NOX4: variants seen among roughly 807,000 people sequenced by gnomAD.
NOX4 encodes the protein NADPH oxidase 4.
NOX4 carries 69 observed loss-of-function variants against 87.6 expected under a neutral mutation model. That is an observed-to-expected ratio of 0.79 (90% CI 0.65 to 0.96). NOX4 has a LOEUF of 0.96. Ranked by LOEUF, NOX4 falls within the 40% of genes least tolerant of loss-of-function variation. NOX4 has a pLI of 0.00. For synonymous variants in NOX4, 275 were observed against 238.2 expected, an observed-to-expected ratio of 1.15 and a Z score of -1.42; for missense variants, 680 against 681.5, an observed-to-expected ratio of 1.00 and a Z score of 0.02.
At chr11:89,385,950 T>G (rs1940671301) in intron 11 of NOX4, among the ~76,000 whole-genome samples, 2 of 152,110 alleles carry the variant, frequency 1.3e-5, no homozygotes, top group Non-Finnish European at 2.9e-5. Flanking sequence ...CCTTTATTAG[T>G]CAAATCACCC....
chr11:89,417,479 T>G (rs1323414689), intron 8 of NOX4, among the ~76,000 whole-genome samples: 1 of 152,090 alleles, frequency 6.6e-6, no homozygotes, highest in Non-Finnish European at 1.5e-5. Flanking sequence ...AAAAAATTCC[T>G]CAGGAGGAAG....
chr11:89,438,424 A>G (rs1346208456), intron 6 of NOX4, among the ~76,000 whole-genome samples: 2 of 110,406 alleles, frequency 1.8e-5, no homozygotes, highest in Non-Finnish European at 3.3e-5. Flanking sequence ...ATATAATTAT[A>G]ATATAATATA....
At chr11:89,579,606 C>T in the NOX4 span, among the ~76,000 whole-genome samples, 1 of 150,526 alleles carries the variant, frequency 6.6e-6, no homozygotes, top group Non-Finnish European at 1.5e-5. Context: ...GAATATACAA[C>T]ATATAGAGTG....
the NOX4 span, among the ~76,000 whole-genome samples, chr11:89,544,840 A>G: frequency 7.2e-5 from 11 of 151,950 alleles, no homozygotes; most frequent in African/African-American, 2.7e-4. Flanking sequence ...AACTTTTAAA[A>G]CTCATATTAT....
chr11:89,428,894 C>T (rs1026996651), intron 7 of NOX4, among the ~76,000 whole-genome samples: 1 of 152,270 alleles, frequency 6.6e-6, no homozygotes, highest in Middle Eastern at 3.4e-3. Context: ...CTCTCCACTC[C>T]AATCAGCAGA....
intron 11 of NOX4, among the ~76,000 whole-genome samples, chr11:89,383,370 AG>A (rs1940441294): frequency 6.6e-6 from 1 of 152,124 alleles, no homozygotes; most frequent in Non-Finnish European, 1.5e-5. Context: ...CAACTTGCCC[AG>A]CAGCTACTCC....
chr11:89,396,251 A>G (rs1447721076), intron 11 of NOX4, among the ~76,000 whole-genome samples: 2 of 151,978 alleles, frequency 1.3e-5, no homozygotes, highest in East Asian at 3.9e-4. Context: ...TAGGTATTTT[A>G]TTCTCTTTGA....
chr11:89,435,591 T>A (rs1456096689), intron 6 of NOX4, among the ~76,000 whole-genome samples: 1 of 152,082 alleles, frequency 6.6e-6, no homozygotes, highest in South Asian at 2.1e-4. Context: ...AACTTAAATA[T>A]TTTCTTAAAC....
intron 8 of NOX4, among the ~76,000 whole-genome samples, chr11:89,420,366 C>CT (rs1943017989): frequency 6.6e-6 from 1 of 152,028 alleles, no homozygotes; most frequent in Non-Finnish European, 1.5e-5. Flanking sequence ...TCATAGTCCT[C>CT]TTCAGGAGCA....
intron 9 of NOX4, 53 bp from the exon 10 acceptor site, chr11:89,400,432 C>A (rs1337556979): frequency 5.9e-6 from 8 of 1,361,184 alleles, no homozygotes; most frequent in African/African-American, 2.9e-5. Flanking sequence ...TTGTAGAAAT[C>A]TACACCCTGC....
the NOX4 span, among the ~76,000 whole-genome samples, chr11:89,560,485 G>T: frequency 2.0e-5 from 3 of 152,050 alleles, no homozygotes; most frequent in African/African-American, 4.8e-5. Context: ...CAACTTGACT[G>T]GATTAAGGAG....
intron 13 of NOX4, among the ~76,000 whole-genome samples, chr11:89,350,089 G>T (rs1461017393): frequency 6.6e-6 from 1 of 152,028 alleles, no homozygotes. Flanking sequence ...TCTGACAACT[G>T]TCACACCTAT....
At chr11:89,426,689 T>C (rs1054572759) in intron 7 of NOX4, among the ~76,000 whole-genome samples, 4 of 152,058 alleles carry the variant, frequency 2.6e-5, no homozygotes, top group South Asian at 2.1e-4. Context: ...GCGCCCACCA[T>C]TGCTGAAGCT....
At chr11:89,477,776 A>G (rs1372681714) in intron 2 of NOX4, among the ~76,000 whole-genome samples, 1 of 150,858 alleles carries the variant, frequency 6.6e-6, no homozygotes, top group Non-Finnish European at 1.5e-5. Flanking sequence ...CTGCTTGACG[A>G]AGGTTTTATA....
At chr11:89,328,045 A>G in intron 17 of NOX4, among the ~76,000 whole-genome samples, 1 of 152,260 alleles carries the variant, frequency 6.6e-6, no homozygotes. Flanking sequence ...TGCAGCAGAC[A>G]GGGGAAACTC....
the NOX4 span, among the ~76,000 whole-genome samples, chr11:89,572,147 C>G: frequency 5.8e-4 from 89 of 152,314 alleles, no homozygotes; most frequent in African/African-American, 2.1e-3. Context: ...ACCCTGACCA[C>G]CTTGGGCACA....
At chr11:89,436,839 A>G (rs1195012514) in intron 6 of NOX4, among the ~76,000 whole-genome samples, 1 of 152,134 alleles carries the variant, frequency 6.6e-6, no homozygotes, top group East Asian at 1.9e-4. Flanking sequence ...AATTCAATCT[A>G]TTAATCTTAC....
the NOX4 span, among the ~76,000 whole-genome samples, chr11:89,585,675 C>G: frequency 3.9e-5 from 6 of 152,296 alleles, no homozygotes; most frequent in Non-Finnish European, 8.8e-5. Context: ...CCCTGCTTTA[C>G]AGTAGAGAGT....
chr11:89,360,543 A>G (rs1938439963), intron 12 of NOX4, among the ~76,000 whole-genome samples: 1 of 152,070 alleles, frequency 6.6e-6, no homozygotes, highest in South Asian at 2.1e-4. Flanking sequence ...ACAACACTCA[A>G]CTGGTTGTCA....
Sources: allele counts gnomAD v4.1 joint callset (sites outside exome capture counted in the v4.1 genomes callset), GRCh38; gene constraint gnomAD v4.1.1; transcripts MANE v1.5; gene names NCBI Gene and HGNC (gene_info 2026-07-23, HGNC 2026-07-21).